ZAR1: variants seen among roughly 807,000 people sequenced by gnomAD.
ZAR1 encodes zygote arrest protein 1.
A neutral mutation model predicts 38.3 loss-of-function variants in ZAR1; 37 were observed. The ratio of observed to expected loss-of-function variants is 0.97; its 90% CI spans 0.74 to 1.27. ZAR1 has a LOEUF of 1.27. Among genes scored for constraint, ZAR1 ranks in the 50% most tolerant of loss-of-function variants. The probability of loss-of-function intolerance (pLI) is 0.00; values close to 1 mark genes in which losing one functional copy is unlikely to be tolerated. For missense variants in ZAR1, 651 were observed against 632.4 expected, an observed-to-expected ratio of 1.03 and a Z score of -0.32; for synonymous variants, 336 against 292.0, an observed-to-expected ratio of 1.15 and a Z score of -1.53.
At chr4:48,493,376 C>A (rs183053711) in intron 3 of ZAR1, among the ~76,000 whole-genome samples, 1 of 152,300 alleles carries the variant, frequency 6.6e-6, no homozygotes, top group Admixed American at 6.5e-5. Context: ...TTATGAAGCA[C>A]AACCTTAAAG....
At chr4:48,491,352 C>G (rs1718437377) in intron 1 of ZAR1, 98 bp downstream of exon 1, 6 of 986,776 alleles carry the variant, frequency 6.1e-6, no homozygotes. Context: ...GGAGGTGCGG[C>G]GCTTCCCTAA....
At chr4:48,495,583 A>C (rs1162359646), downstream of ZAR1, among the ~76,000 whole-genome samples, 1 of 150,788 alleles carries the variant, frequency 6.6e-6, no homozygotes, top group Non-Finnish European at 1.5e-5. Flanking sequence ...TGCTCGGTAG[A>C]GAAGAGGTGG....
In ZAR1 at chr4:48,490,489, C is replaced by G; in HGVS notation, c.198C>G (p.Cys66Trp). The change falls in exon 1 of 4, where the codon TGC becomes TGG. Residue 66 changes from cysteine (C) to tryptophan (W), a missense_variant. Cys to Trp is a radical substitution (Grantham distance 215). Transcript: ENST00000327939. ...AGAASLSFPGCGRLTAAEYFD... is the reference protein window; with the variant it reads ...AGAASLSFPGWGRLTAAEYFD... ...CGGCCTCGTTGTCCTTCCCGGGCTG[C>G]GGGCGGCTGACGGCCGCCGAGTACT... is the stretch of plus-strand genomic sequence containing the variant. 6.8e-7 allele frequency: 1 copy of G among 1,468,790 alleles called. No homozygotes were observed. Among genetic ancestry groups the G allele is most frequent in the Non-Finnish European group, 8.9e-7 (1 of 1,119,334 alleles). 91.0% of individuals were successfully genotyped at this position (1,468,790 alleles called of 1,614,324 possible).
chr4:48,495,304 T>C (rs185691051), downstream of ZAR1, among the ~76,000 whole-genome samples: 87 of 152,356 alleles, frequency 5.7e-4, no homozygotes, highest in African/African-American at 1.9e-3. Context: ...GTGCTAATTA[T>C]GCCTCCAATT....
chr4:48,492,078 G>T (rs977554268), intron 1 of ZAR1, among the ~76,000 whole-genome samples: 9 of 152,274 alleles, frequency 5.9e-5, no homozygotes, highest in Admixed American at 2.6e-4. Flanking sequence ...GCTTCCCAGC[G>T]TGGCTGTGCA....
chr4:48,494,507 G>A, downstream of ZAR1: 1 of 427,294 alleles, frequency 2.3e-6, no homozygotes, highest in Non-Finnish European at 4.2e-6. Flanking sequence ...CATAGAGTGG[G>A]CCAGGCTCTG....
chr4:48,493,789 T>A (rs879889054), intron 3 of ZAR1, among the ~76,000 whole-genome samples: 6 of 152,240 alleles, frequency 3.9e-5, no homozygotes, highest in Non-Finnish European at 8.8e-5. Context: ...CACTCTGCTC[T>A]TGGTGTTCAT....
Position 48,494,159 on chromosome 4 carries a change from G to A in ZAR1, c.1190G>A (p.Arg397Gln), listed in dbSNP as rs747776385. 10 of 1,614,000 alleles carry A rather than the reference G, an allele frequency of 6.2e-6. No individual in the cohort carries two copies. The Admixed American group carries it at 1.7e-4, about 27-fold the overall frequency. The change falls in exon 4 of 4, where the codon CGG (arginine) becomes CAG (glutamine). Residue 397 changes from arginine (R) to glutamine (Q), a missense_variant. By Grantham distance (43) the Arg-to-Gln change is conservative. Around this residue, in one of 2 missense-constraint regions of ZAR1, gnomAD observed 129 missense variants for 172.5 expected, o/e 0.75. Coordinates refer to ENST00000327939, the MANE Select transcript of ZAR1 (RefSeq NM_175619.3). ...AAACTTCGCCACGTGGACCCTAAAC[G>A]GCCCCACCGTCAAGATTTGTGCGGT... is the stretch of plus-strand genomic sequence containing the variant. ...PVKLRHVDPK[R>Q]PHRQDLCGRC...
downstream of ZAR1, chr4:48,494,475 C>T (rs1718532406): frequency 1.2e-5 from 6 of 515,664 alleles, no homozygotes; most frequent in South Asian, 4.8e-5. Flanking sequence ...GTCACTTCAC[C>T]TTTATGAATG....
chr4:48,491,824 T>C (rs1414745315), intron 1 of ZAR1, among the ~76,000 whole-genome samples: 1 of 152,240 alleles, frequency 6.6e-6, no homozygotes, highest in African/African-American at 2.4e-5. Context: ...AGAAATCCAA[T>C]ACTGCGAAAG....
At chr4:48,493,852 T>TA (rs1211087711) in intron 3 of ZAR1, among the ~76,000 whole-genome samples, 1 of 152,220 alleles carries the variant, frequency 6.6e-6, no homozygotes, top group South Asian at 2.1e-4. Context: ...ACAGTTGTTG[T>TA]AAAAGAAATT....
In ZAR1 at chr4:48,492,675, A is replaced by C; in HGVS notation, c.964-91A>C. 5 of 1,327,486 alleles carry C rather than the reference A, an allele frequency of 3.8e-6. 1 individual carries two copies. The highest frequency in any genetic ancestry group is 5.4e-6 in the Non-Finnish European group (5 of 932,950). The allele number at this position is 1,327,486 out of a possible 1,614,324, so 82.2% of individuals were successfully genotyped here. ...TTTCTTTCATGATCTGAAGTTGCCA[A>C]TTTCAAATATCAAGTAGATCCTTCC... On this transcript the variant is annotated intron_variant, in intron 1 of 3. Transcript: ENST00000327939.
rs1270996416 is a variant in ZAR1, at chr4:48,490,264, T to G, written c.-28T>G. On this transcript the variant is annotated 5_prime_UTR_variant, in exon 1 of 4. Transcript: ENST00000327939. ...GCCCGGGCAAGTCGCCTATTTAGGG[T>G]GCGGCGGCGGGCGGGAGCAGTGCGC... 1.3e-6 allele frequency: 2 copies of G among 1,481,906 alleles called. No individual in the cohort carries two copies. The highest frequency in any genetic ancestry group is 1.8e-6 in the Non-Finnish European group (2 of 1,123,186). The allele number at this position is 1,481,906 out of a possible 1,614,324, so 91.8% of individuals were successfully genotyped here.
rs1457534258 is a variant in ZAR1 at position 48,490,305 on chromosome 4, G to C, written c.14G>C (p.Gly5Ala). 1.3e-6 allele frequency: 2 copies of C among 1,506,078 alleles called. No homozygotes were observed. The highest frequency in any genetic ancestry group is 2.9e-5 in the African/African-American group (2 of 69,066). 93.3% of individuals were successfully genotyped at this position (1,506,078 alleles called of 1,614,324 possible). The change falls in exon 1 of 4, where the codon GGG (glycine) becomes GCG (alanine). Residue 5 changes from glycine (G) to alanine (A), a missense_variant. By Grantham distance (60) the Gly-to-Ala change is moderately conservative. This residue lies in a region of ZAR1 where 522 missense variants were observed against 459.9 expected (regional missense o/e 1.14). Coordinates refer to ENST00000327939, the MANE Select transcript of ZAR1 (RefSeq NM_175619.3). MAAL[G>A]DEVLDGYVFP... ...AGCAGTGCGCCCATGGCGGCCCTGG[G>C]GGACGAGGTGCTGGACGGTTACGTG...
intron 3 of ZAR1, 121 bp from the exon 4 acceptor site, chr4:48,493,980 C>T (rs1718514738): frequency 1.6e-6 from 2 of 1,233,678 alleles, no homozygotes; most frequent in East Asian, 5.0e-5. Flanking sequence ...AACAAGATTA[C>T]TATGGGACCT....
rs1321240130 is a variant in ZAR1, at chr4:48,490,998, G to C, written c.707G>C (p.Arg236Pro). 4 of 1,358,444 alleles carry C rather than the reference G, an allele frequency of 2.9e-6. No individual in the cohort carries two copies. The highest frequency in any genetic ancestry group is 3.8e-6 in the Non-Finnish European group (4 of 1,061,810). The allele number at this position is 1,358,444 out of a possible 1,614,324, so 84.1% of individuals were successfully genotyped here. A position where few individuals can be genotyped will look rare whatever the true frequency, so the allele number is the denominator to read the frequency against. ...GTGTGGACGAAGAAGGCGCCCCGGCGGCCGCAGTCCGACGACGACGGCGAG... is the reference window on the plus strand; with the variant it reads ...GTGTGGACGAAGAAGGCGCCCCGGCCGCCGCAGTCCGACGACGACGGCGAG... Reference protein sequence around the residue: ...GEVWTKKAPRRPQSDDDGEAQ... With the variant: ...GEVWTKKAPRPPQSDDDGEAQ... Residue 236 changes from arginine to proline, a missense_variant, in exon 1 of 4, where the codon CGG (arginine) becomes CCG (proline). Around this residue, in one of 2 missense-constraint regions of ZAR1, gnomAD observed 522 missense variants for 459.9 expected, o/e 1.14. Coordinates refer to ENST00000327939, the MANE Select transcript of ZAR1 (RefSeq NM_175619.3).
chr4:48,490,828 C>T lies in ZAR1; in HGVS notation c.537C>T (p.Val179=). 1 of 1,506,604 alleles carries T rather than the reference C, an allele frequency of 6.6e-7. No homozygotes were observed. Among genetic ancestry groups the T allele is most frequent in the Non-Finnish European group, 8.8e-7 (1 of 1,135,786 alleles). The allele number at this position is 1,506,604 out of a possible 1,614,324, so 93.3% of individuals were successfully genotyped here. ...APRPMRFPRT[V]AVYSPLALRR... ...GGCCCATGCGCTTCCCGCGCACCGT[C>T]GCCGTGTACTCGCCCCTGGCCTTGC... The change falls in exon 1 of 4, where the codon GTC becomes GTT. Residue 179 remains valine (V), a synonymous_variant. Transcript: ENST00000327939.
downstream of ZAR1, among the ~76,000 whole-genome samples, chr4:48,494,747 C>T (rs2148675182): frequency 1.3e-5 from 2 of 150,718 alleles, no homozygotes; most frequent in South Asian, 4.2e-4. Context: ...GAGGTGGAGG[C>T]AGAGCCATTT....
intron 1 of ZAR1, among the ~76,000 whole-genome samples, chr4:48,492,215 G>A (rs1718462739): frequency 6.6e-6 from 1 of 152,166 alleles, no homozygotes; most frequent in Non-Finnish European, 1.5e-5. Context: ...CTAAAAACGT[G>A]TGCATAACTG....
Sources: gnomAD v4.1 joint callset for allele counts (sites outside exome capture counted in the v4.1 genomes callset) on GRCh38, gnomAD v4.1.1 for gene constraint, gnomAD v4.1.1 regional missense constraint, MANE v1.5 for transcripts, NCBI Gene and HGNC (gene_info 2026-07-23, HGNC 2026-07-21) for gene names.